The following CTNND2 variants were observed in gnomAD, a reference collection of about 807,000 sequenced individuals.
CTNND2 encodes catenin delta 2.
CTNND2 carries 22 observed loss-of-function variants against 144.4 expected under a neutral mutation model. The ratio of observed to expected loss-of-function variants is 0.15; its 90% CI spans 0.11 to 0.22. CTNND2 has a LOEUF of 0.22. Among genes scored for constraint, CTNND2 ranks in the 10% least tolerant of loss-of-function variants. The pLI is 1.00. For synonymous variants in CTNND2, 751 were observed against 695.6 expected (o/e 1.08, Z -1.25); for missense variants, 1,353 against 1,618.8 (o/e 0.84, Z 2.82).
chr5:11,584,318 G>T (rs1165485438), intron 2 of CTNND2, among the ~76,000 whole-genome samples: 1 of 151,728 alleles, frequency 6.6e-6, no homozygotes, highest in Admixed American at 6.6e-5. Flanking sequence ...CGGAAAGGAT[G>T]CAGAAAGGCT....
chr5:11,612,819 G>A (rs1217890774), intron 2 of CTNND2, among the ~76,000 whole-genome samples: 1 of 152,134 alleles, frequency 6.6e-6, no homozygotes, highest in Non-Finnish European at 1.5e-5. Context: ...AGGATCACTT[G>A]AGCCCTAGAG....
At chr5:11,122,058 T>C (rs1192744874) in intron 12 of CTNND2, among the ~76,000 whole-genome samples, 2 of 152,188 alleles carry the variant, frequency 1.3e-5, no homozygotes, top group Admixed American at 6.5e-5. Flanking sequence ...TTGGCTCTTA[T>C]TGAGAATTCA....
intron 21 of CTNND2, among the ~76,000 whole-genome samples, chr5:10,979,832 G>A (rs1736992842): frequency 6.6e-6 from 1 of 152,168 alleles, no homozygotes. Flanking sequence ...AAATGTTGTT[G>A]GGAAAACTAG....
chr5:11,732,875 T>A (rs1343323259), intron 1 of CTNND2, among the ~76,000 whole-genome samples: 7 of 151,790 alleles, frequency 4.6e-5, no homozygotes, highest in Non-Finnish European at 1.0e-4. Context: ...GGTCATAAGA[T>A]CCTCATTCCA....
intron 9 of CTNND2, among the ~76,000 whole-genome samples, chr5:11,335,187 C>T (rs1458326948): frequency 6.6e-6 from 1 of 152,210 alleles, no homozygotes; most frequent in East Asian, 1.9e-4. Flanking sequence ...ACTTGAAATG[C>T]ACCATGAGCA....
chr5:11,071,744 C>T (rs529824735), intron 16 of CTNND2, among the ~76,000 whole-genome samples: 27 of 151,974 alleles, frequency 1.8e-4, no homozygotes, highest in African/African-American at 4.3e-4. Context: ...ACAGAGTGCG[C>T]GTGTGTCCTG....
chr5:11,792,558 G>A lies in CTNND2; in HGVS notation c.38-60286C>T, dbSNP rs77203550. Among the ~76,000 whole-genome samples the A allele has an allele frequency of 3.8e-3, 578 of 152,270 alleles. 15 individuals carry two copies. The South Asian group carries it at 0.065, about 17-fold the overall frequency. ...CACATATTTTTGTGCAAGCATGAAC[G>A]CTTTCAAATATTTAAATACAAGTAC... On this transcript the variant is annotated intron_variant, in intron 1 of 21. Transcript: ENST00000304623.
In CTNND2 at chr5:11,903,759, G is replaced by T. The variant is rs2305932; in HGVS notation, c.37+58C>A. 2.1e-6 allele frequency: 3 copies of T among 1,453,804 alleles called. No individual in the cohort carries two copies. The Admixed American group carries it at 7.2e-5, about 35-fold the overall frequency. The allele number at this position is 1,453,804 out of a possible 1,614,324, so 90.1% of individuals were successfully genotyped here. ...CCACCCCCACCAGCGGCAAGAGGAG[G>T]AGGACGGCGCCGGGAGGAGGCTGCG... On this transcript the variant is annotated intron_variant, in intron 1 of 21. Transcript: ENST00000304623. This position sits in a 1 kb window ranked among gnomAD's most constrained non-coding sequence, Gnocchi z 5.4.
intron 15 of CTNND2, among the ~76,000 whole-genome samples, chr5:11,089,524 G>A (rs1750544250): frequency 6.6e-6 from 1 of 152,010 alleles, no homozygotes; most frequent in South Asian, 2.1e-4. Context: ...GTCTTTTTTG[G>A]CCCACAGTTG....
intron 14 of CTNND2, among the ~76,000 whole-genome samples, chr5:11,100,283 A>G (rs1402167996): frequency 6.6e-6 from 1 of 152,232 alleles, no homozygotes; most frequent in African/African-American, 2.4e-5. Context: ...GTCATTTTCA[A>G]TGAACATGTC....
At chr5:11,280,474 C>A (rs549078190) in intron 9 of CTNND2, among the ~76,000 whole-genome samples, 119 of 152,258 alleles carry the variant, frequency 7.8e-4, no homozygotes, top group Non-Finnish European at 1.5e-3. Context: ...CAGGTGGCAA[C>A]CTTCCTGCTG....
chr5:11,866,773 G>T (rs535215159), intron 1 of CTNND2, among the ~76,000 whole-genome samples: 1 of 152,278 alleles, frequency 6.6e-6, no homozygotes, highest in African/African-American at 2.4e-5. Flanking sequence ...TAACGCACAG[G>T]GAGAAAGAGA....
At chr5:11,494,123 G>C (rs977067313) in intron 3 of CTNND2, among the ~76,000 whole-genome samples, 1 of 152,030 alleles carries the variant, frequency 6.6e-6, no homozygotes, top group Non-Finnish European at 1.5e-5. Context: ...ATCTATTTGT[G>C]GTCCTTAAGA....
intron 15 of CTNND2, among the ~76,000 whole-genome samples, chr5:11,090,121 C>T (rs1312604236): frequency 6.6e-6 from 1 of 152,182 alleles, no homozygotes; most frequent in African/African-American, 2.4e-5. Context: ...GGTGCTGGAA[C>T]CTTTGACTCA....
chr5:11,002,878 G>A (rs1301397777), intron 18 of CTNND2, among the ~76,000 whole-genome samples: 1 of 152,172 alleles, frequency 6.6e-6, no homozygotes, highest in Non-Finnish European at 1.5e-5. Flanking sequence ...TCTTATAAGA[G>A]ACTTCTCTGA....
intron 10 of CTNND2, among the ~76,000 whole-genome samples, chr5:11,232,502 C>A (rs1741139874): frequency 6.6e-6 from 1 of 152,214 alleles, no homozygotes; most frequent in Non-Finnish European, 1.5e-5. Flanking sequence ...TTAATGATTG[C>A]CCTATTGGAT....
At chr5:11,127,915 T>C (rs1754843026) in intron 12 of CTNND2, among the ~76,000 whole-genome samples, 1 of 151,774 alleles carries the variant, frequency 6.6e-6, no homozygotes, top group Non-Finnish European at 1.5e-5. Flanking sequence ...GTGGCATGAA[T>C]GTGACTCTTT....
chr5:11,729,975 A>T (rs920403157), intron 2 of CTNND2, among the ~76,000 whole-genome samples: 1 of 152,048 alleles, frequency 6.6e-6, no homozygotes, highest in Admixed American at 6.6e-5. Flanking sequence ...ACTTGCTTGC[A>T]TCTTTCTTCT....
intron 9 of CTNND2, among the ~76,000 whole-genome samples, chr5:11,329,692 T>C (rs1053810186): frequency 3.3e-5 from 5 of 151,876 alleles, no homozygotes; most frequent in Non-Finnish European, 5.9e-5. Flanking sequence ...GAGAAGAAGG[T>C]GGTCAGAGGG....
Sources: allele counts gnomAD v4.1 joint callset (sites outside exome capture counted in the v4.1 genomes callset), GRCh38; gene constraint gnomAD v4.1.1; non-coding constraint Gnocchi (gnomAD v3.1); transcripts MANE v1.5; gene names NCBI Gene and HGNC (gene_info 2026-07-23, HGNC 2026-07-21).